The following LRRTM4 variants were observed in gnomAD, a reference collection of about 807,000 sequenced individuals.
The protein encoded by LRRTM4 is leucine rich repeat transmembrane neuronal 4.
In LRRTM4, 25 loss-of-function variants were observed where a neutral mutation model predicts 47.6. The ratio of observed to expected loss-of-function variants is 0.53; its 90% CI spans 0.38 to 0.73. The LOEUF (loss-of-function observed/expected upper bound fraction) is 0.73. Ranked by LOEUF, LRRTM4 falls within the 30% of genes least tolerant of loss-of-function variation. The pLI is 0.00. For missense variants in LRRTM4, 638 were observed against 713.4 expected (o/e 0.89, Z 1.20); for synonymous variants, 311 against 269.5 (o/e 1.15, Z -1.51).
At chr2:77,435,523 T>A (rs1329749194) in intron 3 of LRRTM4, among the ~76,000 whole-genome samples, 1 of 152,120 alleles carries the variant, frequency 6.6e-6, no homozygotes, top group African/African-American at 2.4e-5. Flanking sequence ...AATGATAACA[T>A]TAAAAATAAA....
chr2:76,802,137 G>A (rs1675729801), intron 3 of LRRTM4, among the ~76,000 whole-genome samples: 1 of 150,360 alleles, frequency 6.7e-6, no homozygotes, highest in Non-Finnish European at 1.5e-5. Flanking sequence ...TTAGGCAAGG[G>A]AAAAGAATAA....
At chr2:77,424,116 C>A (rs1363423085) in intron 3 of LRRTM4, among the ~76,000 whole-genome samples, 1 of 151,860 alleles carries the variant, frequency 6.6e-6, no homozygotes, top group African/African-American at 2.4e-5. Context: ...TGTTACTGTA[C>A]TTAAGAGGAC....
chr2:77,082,546 C>A (rs1164264735), intron 3 of LRRTM4, among the ~76,000 whole-genome samples: 5 of 151,846 alleles, frequency 3.3e-5, no homozygotes, highest in Non-Finnish European at 5.9e-5. Flanking sequence ...GTAAAAGGTA[C>A]CATTCTTATA....
At chr2:76,866,923 C>T (rs1200376900) in intron 3 of LRRTM4, among the ~76,000 whole-genome samples, 1 of 152,124 alleles carries the variant, frequency 6.6e-6, no homozygotes, top group East Asian at 1.9e-4. Flanking sequence ...CTTGCAGGGA[C>T]ATGGATGAAG....
Position 77,235,828 on chromosome 2 carries a change from C to T in LRRTM4, c.1551+282490G>A, listed in dbSNP as rs570968536. Reference sequence around the variant, plus strand: ...TTTTTGAAGATCAGATGGCTGTAGGCGTGCAGCTTTATTTCTGGGTTCTTC... The same window carrying T: ...TTTTTGAAGATCAGATGGCTGTAGGTGTGCAGCTTTATTTCTGGGTTCTTC... On this transcript the variant is annotated intron_variant, in intron 3 of 3. Coordinates refer to ENST00000409884, the MANE Select transcript of LRRTM4 (RefSeq NM_001134745.3). 4.6e-5 allele frequency among the ~76,000 whole-genome samples: 7 copies of T among 152,048 alleles called. No individual in the cohort carries two copies. The South Asian group carries it at 8.3e-4, about 18-fold the overall frequency.
chr2:77,305,614 G>T (rs1677249847), intron 3 of LRRTM4, among the ~76,000 whole-genome samples: 1 of 152,050 alleles, frequency 6.6e-6, no homozygotes, highest in South Asian at 2.1e-4. Context: ...CTCAATGCAT[G>T]TTTTAAAATT....
chr2:77,298,828 C>A (rs1196655117), intron 3 of LRRTM4, among the ~76,000 whole-genome samples: 2 of 152,166 alleles, frequency 1.3e-5, no homozygotes, highest in African/African-American at 4.8e-5. Flanking sequence ...ATGCTATTTT[C>A]TGCATTTATT....
chr2:77,511,198 G>A (rs1034350199), intron 3 of LRRTM4, among the ~76,000 whole-genome samples: 1 of 152,014 alleles, frequency 6.6e-6, no homozygotes, highest in Non-Finnish European at 1.5e-5. Context: ...TCCTTTTCAT[G>A]TATCTTCCAC....
intron 3 of LRRTM4, among the ~76,000 whole-genome samples, chr2:76,840,585 T>A (rs540635715): frequency 6.6e-6 from 1 of 151,714 alleles, no homozygotes; most frequent in African/African-American, 2.4e-5. Context: ...ACAAACGAAG[T>A]CAAAAAGACT....
chr2:77,144,529 G>C (rs1672206188), intron 3 of LRRTM4, among the ~76,000 whole-genome samples: 1 of 152,096 alleles, frequency 6.6e-6, no homozygotes, highest in Non-Finnish European at 1.5e-5. Context: ...AAAACACACT[G>C]GTCCACAGAC....
intron 3 of LRRTM4, among the ~76,000 whole-genome samples, chr2:76,952,822 G>C (rs1488709687): frequency 2.6e-5 from 4 of 151,800 alleles, no homozygotes; most frequent in African/African-American, 9.7e-5. Flanking sequence ...ACTGGGTGTG[G>C]TACACATACA....
intron 3 of LRRTM4, among the ~76,000 whole-genome samples, chr2:76,757,970 T>C (rs1472767283): frequency 6.6e-6 from 1 of 152,178 alleles, no homozygotes; most frequent in Non-Finnish European, 1.5e-5. Context: ...ATGCCAGTAC[T>C]AAGAAGGTGT....
At chr2:77,513,246 T>G (rs1429432535) in intron 3 of LRRTM4, among the ~76,000 whole-genome samples, 1 of 152,172 alleles carries the variant, frequency 6.6e-6, no homozygotes, top group Non-Finnish European at 1.5e-5. Context: ...TTTTAGTAAC[T>G]GAAGAAGTTC....
chr2:76,764,448 G>A (rs953365164), intron 3 of LRRTM4, among the ~76,000 whole-genome samples: 1 of 152,044 alleles, frequency 6.6e-6, no homozygotes, highest in African/African-American at 2.4e-5. Flanking sequence ...TGGCTAACAC[G>A]GTGAAACCCT....
intron 3 of LRRTM4, among the ~76,000 whole-genome samples, chr2:76,959,411 A>G (rs1461840851): frequency 6.6e-6 from 1 of 151,536 alleles, no homozygotes; most frequent in East Asian, 2.0e-4. Flanking sequence ...ACTGATATCT[A>G]ATAACTAAAA....
At chr2:77,435,353 T>C (rs930290258) in intron 3 of LRRTM4, among the ~76,000 whole-genome samples, 1 of 152,156 alleles carries the variant, frequency 6.6e-6, no homozygotes, top group Non-Finnish European at 1.5e-5. Context: ...TGAAAAGAAA[T>C]TGCATCATGA....
chr2:77,220,674 C>G (rs750214383), intron 3 of LRRTM4, among the ~76,000 whole-genome samples: 67 of 152,172 alleles, frequency 4.4e-4, no homozygotes, highest in Non-Finnish European at 7.9e-4. Context: ...AAAAAGAAAT[C>G]AACAAAGCCT....
chr2:76,809,087 A>G (rs1315410680), intron 3 of LRRTM4, among the ~76,000 whole-genome samples: 5 of 152,148 alleles, frequency 3.3e-5, no homozygotes, highest in African/African-American at 1.2e-4. Flanking sequence ...CCCTGATTCA[A>G]TACACATGTT....
chr2:76,843,491 A>C (rs2103942086), intron 3 of LRRTM4, among the ~76,000 whole-genome samples: 1 of 152,306 alleles, frequency 6.6e-6, no homozygotes, highest in South Asian at 2.1e-4. Context: ...TCCATGGAAA[A>C]GTAGGGCCTA....
Sources: allele counts gnomAD v4.1 joint callset (sites outside exome capture counted in the v4.1 genomes callset), GRCh38; gene constraint gnomAD v4.1.1; transcripts MANE v1.5; gene names NCBI Gene and HGNC (gene_info 2026-07-23, HGNC 2026-07-21).